The following SLC14A2 variants were observed in gnomAD, a reference collection of about 807,000 sequenced individuals.
SLC14A2 encodes the protein urea transporter 2.
A neutral mutation model predicts 104.6 loss-of-function variants in SLC14A2; 91 were observed. That is an observed-to-expected ratio of 0.87 (90% CI 0.73 to 1.04). SLC14A2 has a LOEUF of 1.04. Among genes scored for constraint, SLC14A2 ranks in the 50% least tolerant of loss-of-function variants. SLC14A2 has a pLI of 0.00. For missense variants in SLC14A2, 1,189 were observed against 1,156.0 expected (o/e 1.03, Z -0.41); for synonymous variants, 476 against 466.4 (o/e 1.02, Z -0.27).
intron 1 of SLC14A2, among the ~76,000 whole-genome samples, chr18:45,381,694 CT>C (rs1192438703): frequency 6.6e-6 from 1 of 152,124 alleles, no homozygotes; most frequent in Non-Finnish European, 1.5e-5. Context: ...GGGAATAACA[CT>C]TTTTTGTTGT....
chr18:45,342,401 A>G (rs1307572998), intron 1 of SLC14A2, among the ~76,000 whole-genome samples: 4 of 152,092 alleles, frequency 2.6e-5, no homozygotes, highest in Admixed American at 6.6e-5. Flanking sequence ...GAAAGAAGAG[A>G]CAGCAGATCT....
chr18:45,673,129 AC>A (rs1279417580), intron 17 of SLC14A2, 82 bp downstream of exon 17: 1 of 1,309,104 alleles, frequency 7.6e-7, no homozygotes, highest in African/African-American at 1.5e-5. Flanking sequence ...CTCATCTTCA[AC>A]ACTCCACCTG....
At chr18:45,603,536 A>AGT (rs2044821836) in intron 2 of SLC14A2, among the ~76,000 whole-genome samples, 1 of 152,216 alleles carries the variant, frequency 6.6e-6, no homozygotes, top group East Asian at 1.9e-4. Flanking sequence ...TGGTTGATGT[A>AGT]GTCTCTAGGG....
intron 1 of SLC14A2, among the ~76,000 whole-genome samples, chr18:45,274,957 C>T (rs1290613627): frequency 6.6e-6 from 1 of 152,186 alleles, no homozygotes; most frequent in African/African-American, 2.4e-5. Flanking sequence ...CAGGGAGAAG[C>T]TGTAGAGATG....
intron 1 of SLC14A2, among the ~76,000 whole-genome samples, chr18:45,238,578 C>A (rs2084279843): frequency 6.6e-6 from 1 of 151,726 alleles, no homozygotes; most frequent in South Asian, 2.1e-4. Flanking sequence ...GGAAAAAAAT[C>A]TTCAGACCAA....
At chr18:45,487,148 T>G (rs1038397305) in intron 2 of SLC14A2, among the ~76,000 whole-genome samples, 1 of 152,190 alleles carries the variant, frequency 6.6e-6, no homozygotes, top group African/African-American at 2.4e-5. Flanking sequence ...CTGGGCTCCT[T>G]TCTGGAGACT....
chr18:45,266,954 G>A (rs1003521075), intron 1 of SLC14A2, among the ~76,000 whole-genome samples: 2 of 152,088 alleles, frequency 1.3e-5, no homozygotes, highest in East Asian at 1.9e-4. Context: ...GCAGTGACAC[G>A]TCTCCTCAAA....
chr18:45,622,771 G>A (rs1321037840), intron 1 of SLC14A2, among the ~76,000 whole-genome samples: 1 of 152,126 alleles, frequency 6.6e-6, no homozygotes, highest in Non-Finnish European at 1.5e-5. Context: ...GGTGGGATGG[G>A]GACTGAAAGT....
intron 1 of SLC14A2, among the ~76,000 whole-genome samples, chr18:45,451,257 CT>C (rs1158546610): frequency 6.6e-6 from 1 of 152,002 alleles, no homozygotes; most frequent in Non-Finnish European, 1.5e-5. Context: ...CCTGAAAGAA[CT>C]TGCTGAAAGC....
intron 8 of SLC14A2, among the ~76,000 whole-genome samples, chr18:45,642,928 C>T (rs1415256224): frequency 6.6e-6 from 1 of 152,332 alleles, no homozygotes; most frequent in East Asian, 1.9e-4. Context: ...AATGAACAGT[C>T]TGGTGGGAGA....
At chr18:45,634,691 A>T (rs2045391827) in intron 5 of SLC14A2, 1 of 390,530 alleles carries the variant, frequency 2.6e-6, no homozygotes, top group East Asian at 7.4e-5. Context: ...TGAGAGTCAG[A>T]CCAGGTACAC....
intron 1 of SLC14A2, among the ~76,000 whole-genome samples, chr18:45,395,477 A>C (rs2086018953): frequency 1.3e-5 from 2 of 152,208 alleles, no homozygotes; most frequent in South Asian, 2.1e-4. Context: ...TCTGCTTCAC[A>C]ACAAGGTGCA....
chr18:45,454,195 G>C (rs2086904196), intron 1 of SLC14A2, among the ~76,000 whole-genome samples: 1 of 152,258 alleles, frequency 6.6e-6, no homozygotes, highest in East Asian at 1.9e-4. Flanking sequence ...GAAGCTTAGA[G>C]CTGGGGAAGG....
intron 1 of SLC14A2, among the ~76,000 whole-genome samples, chr18:45,408,231 C>A (rs2086177673): frequency 6.6e-6 from 1 of 152,140 alleles, no homozygotes; most frequent in Non-Finnish European, 1.5e-5. Context: ...TTTTCAGTAA[C>A]CACCACTGAG....
intron 1 of SLC14A2, among the ~76,000 whole-genome samples, chr18:45,409,641 C>A (rs539622737): frequency 9.9e-5 from 15 of 152,232 alleles, no homozygotes; most frequent in Admixed American, 9.8e-4. Flanking sequence ...TTCCTCCTAC[C>A]CACCCCTTTC....
intron 8 of SLC14A2, 28 bp from the exon 9 acceptor site, chr18:45,643,104 C>T: frequency 6.2e-7 from 1 of 1,613,288 alleles, no homozygotes; most frequent in Non-Finnish European, 8.5e-7. Context: ...CTGGGAAGCT[C>T]ACTCTGGTGA....
chr18:45,682,337 A>G lies in SLC14A2; in HGVS notation c.2581A>G (p.Thr861Ala). 1 of 1,614,174 alleles carries G rather than the reference A, an allele frequency of 6.2e-7. No homozygotes were observed. The highest frequency in any genetic ancestry group is 8.5e-7 in the Non-Finnish European group (1 of 1,180,020). The stretch of plus-strand genomic sequence containing the variant: ...TCTCCAGTTTGGATTGCCGCCCTGC[A>G]CTTGGCCCTTCTGTCTCTCAGCTCT... Reference protein sequence around the residue: ...MLSVFGLPPCTWPFCLSALTF... With the variant: ...MLSVFGLPPCAWPFCLSALTF... The change falls in exon 20 of 20, where the codon ACT (threonine) becomes GCT (alanine). Residue 861 changes from threonine (T) to alanine (A), a missense_variant. By Grantham distance (58) the Thr-to-Ala change is moderately conservative (BLOSUM62 0). Transcript: ENST00000255226.
At chr18:45,482,319 T>C (rs2087509824) in intron 1 of SLC14A2, among the ~76,000 whole-genome samples, 1 of 152,186 alleles carries the variant, frequency 6.6e-6, no homozygotes, top group Non-Finnish European at 1.5e-5. Context: ...TATTAAAAAT[T>C]ATGTGATTTG....
the SLC14A2 span, among the ~76,000 whole-genome samples, chr18:45,188,820 AAAGT>A: frequency 6.6e-6 from 1 of 152,210 alleles, no homozygotes; most frequent in Non-Finnish European, 1.5e-5. Context: ...ACAAAAGTCA[AAAGT>A]TATTTGGACA....
Sources: allele counts gnomAD v4.1 joint callset (sites outside exome capture counted in the v4.1 genomes callset), GRCh38; gene constraint gnomAD v4.1.1; transcripts MANE v1.5; gene names NCBI Gene and HGNC (gene_info 2026-07-23, HGNC 2026-07-21).